Variants in TG observed in about 807,000 individuals in gnomAD.
The protein encoded by TG is thyroid hormones.
Under a neutral mutation model 324.7 loss-of-function variants are expected in TG, and 270 were observed. That is an observed-to-expected ratio of 0.83 (90% CI 0.75 to 0.92). The LOEUF (loss-of-function observed/expected upper bound fraction) is 0.92, where lower values mean the gene tolerates loss of function less well. TG is among the 40% of genes least tolerant of loss of function. TG has a pLI of 0.00. For synonymous variants in TG, 1,401 were observed against 1,327.0 expected, an observed-to-expected ratio of 1.06 and a Z score of -1.21; for missense variants, 3,591 against 3,456.4, an observed-to-expected ratio of 1.04 and a Z score of -0.98.
chr8:132,904,875 C>T (rs1818446574), intron 16 of TG, among the ~76,000 whole-genome samples: 1 of 152,214 alleles, frequency 6.6e-6, no homozygotes, highest in Non-Finnish European at 1.5e-5. Flanking sequence ...TACCTATGTA[C>T]ACACATGCAT....
At chr8:133,126,433 C>T (rs547672814) in intron 45 of TG, among the ~76,000 whole-genome samples, 3 of 152,228 alleles carry the variant, frequency 2.0e-5, no homozygotes, top group Admixed American at 2.0e-4. Context: ...CAGCCGTTAT[C>T]ATACTTTATG....
intron 5 of TG, among the ~76,000 whole-genome samples, chr8:132,881,586 A>G (rs1236372906): frequency 6.6e-6 from 1 of 152,214 alleles, no homozygotes; most frequent in Non-Finnish European, 1.5e-5. Flanking sequence ...ACGCATGGGC[A>G]TAAATTGGTC....
At chr8:133,058,942 G>A in intron 41 of TG, 1 of 473,150 alleles carries the variant, frequency 2.1e-6, no homozygotes, top group South Asian at 1.5e-5. Context: ...GCTGGGTCTT[G>A]GCATGCTGGC....
chr8:133,019,877 A>C (rs1835400101), intron 39 of TG, among the ~76,000 whole-genome samples, 182 bp downstream of exon 39: 1 of 152,158 alleles, frequency 6.6e-6, no homozygotes, highest in Non-Finnish European at 1.5e-5. Flanking sequence ...TGGTCCTCAG[A>C]GCTTGTGGCT....
chr8:132,969,368 C>T (rs1369301587), intron 31 of TG, 90 bp from the exon 32 acceptor site: 1 of 919,096 alleles, frequency 1.1e-6, no homozygotes, highest in Non-Finnish European at 1.8e-6. Context: ...TAATTGGAAA[C>T]TTTCAGTCTG....
chr8:132,971,741 T>C (rs1829547129), intron 32 of TG, 53 bp from the exon 33 acceptor site: 1 of 1,312,626 alleles, frequency 7.6e-7, no homozygotes, highest in Non-Finnish European at 1.1e-6. Context: ...ACCCAGTAGG[T>C]CCTGGGTCAC....
At chr8:132,960,090 C>T (rs1463043988) in intron 27 of TG, among the ~76,000 whole-genome samples, 1 of 152,164 alleles carries the variant, frequency 6.6e-6, no homozygotes, top group Non-Finnish European at 1.5e-5. Flanking sequence ...GCATGCAGGG[C>T]TTAAAACCTG....
intron 44 of TG, among the ~76,000 whole-genome samples, chr8:133,116,352 T>A (rs1850681202): frequency 6.6e-6 from 1 of 152,236 alleles, no homozygotes; most frequent in African/African-American, 2.4e-5. Context: ...CTAAAATACA[T>A]CAGCATGGAC....
intron 25 of TG, among the ~76,000 whole-genome samples, chr8:132,936,318 G>A (rs559904642): frequency 6.6e-6 from 1 of 152,254 alleles, no homozygotes; most frequent in South Asian, 2.1e-4. Context: ...TGCTCCTCCC[G>A]GGCTTTCTGA....
chr8:132,889,294 C>T (rs1815883817), intron 10 of TG, among the ~76,000 whole-genome samples: 2 of 152,190 alleles, frequency 1.3e-5, no homozygotes, highest in South Asian at 2.1e-4. Context: ...CCAGCCATTG[C>T]TAATATTATA....
At chr8:132,906,666 G>T (rs768202622) in intron 16 of TG, 22 bp from the exon 17 acceptor site, 1 of 1,613,242 alleles carries the variant, frequency 6.2e-7, no homozygotes. Context: ...TGCCCACCAC[G>T]GCTCCACTTT....
At chr8:133,072,711 T>G (rs1844250339) in intron 41 of TG, among the ~76,000 whole-genome samples, 3 of 152,246 alleles carry the variant, frequency 2.0e-5, no homozygotes. Flanking sequence ...TTAAAAAGGC[T>G]CATTTCCCTT....
intron 35 of TG, chr8:133,002,080 A>T (rs1017468329): frequency 1.0e-6 from 1 of 985,418 alleles, no homozygotes; most frequent in Non-Finnish European, 1.2e-6. Flanking sequence ...TGGGTCTGTG[A>T]TTATTTGAAC....
chr8:132,942,316 G>T (rs1473927884), intron 26 of TG, among the ~76,000 whole-genome samples: 3 of 152,202 alleles, frequency 2.0e-5, no homozygotes, highest in African/African-American at 7.2e-5. Context: ...GCTGCGTATA[G>T]ATTTGGCTCC....
intron 35 of TG, among the ~76,000 whole-genome samples, chr8:133,003,806 C>A (rs1046709831): frequency 2.0e-5 from 3 of 152,140 alleles, no homozygotes; most frequent in Non-Finnish European, 4.4e-5. Flanking sequence ...CTGCCCTTGT[C>A]CCCTCAGCAG....
intron 46 of TG, 117 bp downstream of exon 46, chr8:133,132,063 T>C: frequency 6.7e-7 from 1 of 1,484,362 alleles, no homozygotes. Flanking sequence ...CCGTAGACAC[T>C]ATAATCACCA....
chr8:133,100,029 T>A (rs2958669), intron 43 of TG, among the ~76,000 whole-genome samples: 49,585 of 152,016 alleles, frequency 0.33, 8,948 homozygotes, highest in African/African-American at 0.48. Context: ...CAGAGGAAAA[T>A]TCCAGTCTTC....
chr8:133,011,949 A>T lies in TG; in HGVS notation c.6311A>T (p.Asp2104Val). ...QSLALSSVVV[D>V]PSIRHFDVAH... ...CTGGCCCTCTCTTCAGTGGTTGTTG[A>T]TCCATCCATTAGGCACTTTGATGTT... is the stretch of plus-strand genomic sequence containing the variant. The change falls in exon 36 of 48, where the codon GAT (aspartate) becomes GTT (valine). Residue 2104 changes from aspartate to valine, a missense_variant. Coordinates refer to ENST00000220616, the MANE Select transcript of TG (RefSeq NM_003235.5). 1 of 1,614,092 alleles carries T rather than the reference A, an allele frequency of 6.2e-7. No individual in the cohort carries two copies. Among genetic ancestry groups the T allele is most frequent in the Non-Finnish European group, 8.5e-7 (1 of 1,180,016 alleles).
chr8:132,868,010 G>A, intron 1 of TG, 105 bp from the exon 2 acceptor site: 1 of 990,504 alleles, frequency 1.0e-6, no homozygotes, highest in Non-Finnish European at 1.6e-6. Context: ...GCTGTCATAG[G>A]TAATGATGAT....
Sources: allele counts gnomAD v4.1 joint callset (sites outside exome capture counted in the v4.1 genomes callset), GRCh38; gene constraint gnomAD v4.1.1; transcripts MANE v1.5; gene names NCBI Gene and HGNC (gene_info 2026-07-23, HGNC 2026-07-21).